Variants in SHROOM4 observed in about 807,000 individuals in gnomAD.
The protein encoded by SHROOM4 is shroom family member 4, also known as protein Shroom4.
A neutral mutation model predicts 80.3 loss-of-function variants in SHROOM4; 17 were observed. The ratio of observed to expected loss-of-function variants is 0.21; its 90% confidence interval spans 0.14 to 0.32. The LOEUF is 0.32. Ranked by LOEUF, SHROOM4 falls within the 10% of genes least tolerant of loss-of-function variation. The pLI is 1.00. For missense variants in SHROOM4, 993 were observed against 1,140.3 expected, an observed-to-expected ratio of 0.87 and a Z score of 1.86; for synonymous variants, 400 against 437.5, an observed-to-expected ratio of 0.91 and a Z score of 1.07.
intron 1 of SHROOM4, among the ~76,000 whole-genome samples, chrX:50,721,647 ACCT>A (rs1185113025): frequency 1.8e-5 from 2 of 110,582 alleles, no homozygotes; most frequent in African/African-American, 6.6e-5. Flanking sequence ...GAATGCCTTA[ACCT>A]CCTGGGAATG....
intron 2 of SHROOM4, among the ~76,000 whole-genome samples, chrX:50,691,106 A>G (rs187429484): frequency 2.8e-4 from 31 of 112,374 alleles, no homozygotes; most frequent in Admixed American, 2.2e-3. Context: ...TTGTTTTTCA[A>G]ATCTTCTAAG....
At chrX:50,602,920 G>T in intron 6 of SHROOM4, 107 bp from the exon 7 acceptor site, 1 of 801,765 alleles carries the variant, frequency 1.2e-6, no homozygotes. Flanking sequence ...TCACCAAGGA[G>T]TTGAAAAAAA....
chrX:50,703,007 G>GTTT (rs1346505433), intron 1 of SHROOM4, among the ~76,000 whole-genome samples: 7 of 111,563 alleles, frequency 6.3e-5, no homozygotes, highest in Admixed American at 5.7e-4. Flanking sequence ...CATACTCATA[G>GTTT]TTTTAATCAA....
rs192369105 is a variant in SHROOM4, at chrX:50,655,978, G to A, written c.270-17670C>T. On this transcript the variant is annotated intron_variant, in intron 2 of 8. Transcript: ENST00000376020. ...CATATGTGAGGTGATATGTCACTGT[G>A]GTTTTGATTTGCATTTCACTGATGA... Among the ~76,000 whole-genome samples the A allele has an allele frequency of 3.8e-3, 421 of 111,162 alleles. 2 individuals are homozygous for A. The highest frequency in any genetic ancestry group is 0.013 in the African/African-American group (389 of 30,665).
intron 4 of SHROOM4, among the ~76,000 whole-genome samples, chrX:50,629,034 G>T (rs1195086828): frequency 3.6e-5 from 4 of 111,855 alleles, no homozygotes; most frequent in Admixed American, 9.5e-5. Context: ...AGGATTTCCT[G>T]TCCATGCCCT....
intron 1 of SHROOM4, among the ~76,000 whole-genome samples, chrX:50,751,802 G>A (rs1404536932): frequency 2.7e-5 from 3 of 111,864 alleles, no homozygotes; most frequent in Admixed American, 1.9e-4. Flanking sequence ...CAGTAGTATA[G>A]GGCAGTGGGA....
intron 2 of SHROOM4, among the ~76,000 whole-genome samples, chrX:50,693,257 AACTG>A (rs1205651799): frequency 9.0e-6 from 1 of 111,032 alleles, no homozygotes; most frequent in African/African-American, 3.3e-5. Context: ...ATAACAAGGA[AACTG>A]ACTATCTTGA....
At chrX:50,585,751 A>G (rs1557244757), downstream of SHROOM4, among the ~76,000 whole-genome samples, 2 of 111,726 alleles carry the variant, frequency 1.8e-5, no homozygotes, top group Non-Finnish European at 3.8e-5. Context: ...TCCAGGTCTA[A>G]GGGTTTTGAG....
chrX:50,743,539 T>C (rs1475690707), intron 1 of SHROOM4, among the ~76,000 whole-genome samples: 1 of 110,600 alleles, frequency 9.0e-6, no homozygotes, highest in African/African-American at 3.3e-5. Context: ...CACTGCAGCC[T>C]TAACCCGGGC....
intron 1 of SHROOM4, among the ~76,000 whole-genome samples, chrX:50,775,569 C>T (rs1323741495): frequency 9.0e-6 from 1 of 111,679 alleles, no homozygotes; most frequent in East Asian, 2.8e-4. Flanking sequence ...CCCAAGTGAC[C>T]AAGAGGTGGG....
intron 1 of SHROOM4, among the ~76,000 whole-genome samples, chrX:50,751,906 C>T (rs1934927132): frequency 8.9e-6 from 1 of 111,775 alleles, no homozygotes; most frequent in Non-Finnish European, 1.9e-5. Flanking sequence ...TTAGTCCCCT[C>T]ATCTATAAAG....
chrX:50,728,944 G>C (rs1934301188), intron 1 of SHROOM4, among the ~76,000 whole-genome samples: 1 of 83,463 alleles, frequency 1.2e-5, no homozygotes, highest in African/African-American at 4.8e-5. Flanking sequence ...TACACTACTG[G>C]AAATAGACTA....
Position 50,591,077 on chromosome X carries a change from T to A in SHROOM4, c.*5618A>T, listed in dbSNP as rs1334157103. On this transcript the variant is annotated 3_prime_UTR_variant, in exon 9 of 9. Transcript: ENST00000376020. ...TTACATTCTATAATCCATTTTGAGT[T>A]GATTCTTGCATGTGATTTAAGGAAA... Among the ~76,000 whole-genome samples the A allele has an allele frequency of 2.7e-5, 3 of 112,486 alleles. No individual in the cohort carries two copies. Among genetic ancestry groups the A allele is most frequent in the African/African-American group, 9.7e-5 (3 of 31,004 alleles).
At chrX:50,705,529 TCA>T (rs1255602251) in intron 1 of SHROOM4, among the ~76,000 whole-genome samples, 1 of 111,418 alleles carries the variant, frequency 9.0e-6, no homozygotes, top group Admixed American at 9.5e-5. Context: ...CTGCTCATTC[TCA>T]CTCTTCTAAC....
At chrX:50,771,575 C>T (rs1398237194) in intron 1 of SHROOM4, among the ~76,000 whole-genome samples, 4 of 111,892 alleles carry the variant, frequency 3.6e-5, no homozygotes, top group Admixed American at 9.5e-5. Flanking sequence ...TGGTCTGCCA[C>T]GCCTCCTGCA....
intron 1 of SHROOM4, among the ~76,000 whole-genome samples, chrX:50,708,782 G>C (rs1311011343): frequency 4.5e-5 from 5 of 111,378 alleles, no homozygotes; most frequent in Non-Finnish European, 9.4e-5. Context: ...GTTAAACCTG[G>C]ACCCAGGAAG....
chrX:50,641,012 G>A (rs782264237), intron 2 of SHROOM4, among the ~76,000 whole-genome samples: 2 of 112,286 alleles, frequency 1.8e-5, no homozygotes, highest in South Asian at 7.4e-4. Context: ...GCAAGGCCTC[G>A]ACCAATCATA....
intron 1 of SHROOM4, among the ~76,000 whole-genome samples, chrX:50,772,007 TA>T (rs1848092820): frequency 3.7e-5 from 1 of 27,238 alleles, no homozygotes; most frequent in Admixed American, 7.2e-4. Flanking sequence ...CCTTGTTTTT[TA>T]TGTGTGTGTG....
At chrX:50,783,201 G>A (rs1935665134) in intron 1 of SHROOM4, among the ~76,000 whole-genome samples, 1 of 111,835 alleles carries the variant, frequency 8.9e-6, no homozygotes, top group Admixed American at 9.5e-5. Flanking sequence ...AAGTTTACTA[G>A]AACTAATAAG....
Sources: gnomAD v4.1 joint callset for allele counts (sites outside exome capture counted in the v4.1 genomes callset) on GRCh38, gnomAD v4.1.1 for gene constraint, MANE v1.5 for transcripts, NCBI Gene and HGNC (gene_info 2026-07-23, HGNC 2026-07-21) for gene names.